PTPRN2: variants seen among roughly 807,000 people sequenced by gnomAD.
The protein encoded by PTPRN2 is receptor-type tyrosine-protein phosphatase N2.
In PTPRN2, 74 loss-of-function variants were observed where a neutral mutation model predicts 118.8. The ratio of observed to expected loss-of-function variants is 0.62; its 90% CI spans 0.52 to 0.76. PTPRN2 has a LOEUF of 0.76. Ranked by LOEUF, PTPRN2 falls within the 30% of genes least tolerant of loss-of-function variation. The probability of loss-of-function intolerance (pLI) is 0.00; values close to 1 mark genes in which losing one functional copy is unlikely to be tolerated. For synonymous variants in PTPRN2, 641 were observed against 608.0 expected (o/e 1.05, Z -0.80); for missense variants, 1,481 against 1,394.4 (o/e 1.06, Z -0.99).
chr7:157,769,037 G>A (rs1034406194), intron 12 of PTPRN2, among the ~76,000 whole-genome samples: 8 of 152,164 alleles, frequency 5.3e-5, no homozygotes, highest in East Asian at 1.9e-4. Flanking sequence ...AAATATGGCC[G>A]TAATGTTGGC....
At chr7:158,342,777 G>T (rs71547529) in intron 2 of PTPRN2, among the ~76,000 whole-genome samples, 40,941 of 152,026 alleles carry the variant, frequency 0.27, 5,917 homozygotes, top group African/African-American at 0.33. Context: ...AGGAAAGTCT[G>T]ACTGACACTT....
chr7:157,649,288 C>T (rs1482531910), intron 14 of PTPRN2, among the ~76,000 whole-genome samples: 25 of 79,584 alleles, frequency 3.1e-4, no homozygotes, highest in African/African-American at 1.0e-3. Flanking sequence ...TCGGACCCAT[C>T]CAGCGTGCAC....
At chr7:157,783,504 G>A (rs978049510) in intron 12 of PTPRN2, among the ~76,000 whole-genome samples, 11 of 148,916 alleles carry the variant, frequency 7.4e-5, no homozygotes, top group African/African-American at 2.5e-4. Flanking sequence ...ACATTACCTT[G>A]TGCTTATTTA....
chr7:158,091,920 TTGGG>T (rs1585409835), intron 10 of PTPRN2, among the ~76,000 whole-genome samples: 9 of 66,054 alleles, frequency 1.4e-4, no homozygotes, highest in African/African-American at 1.9e-4. Flanking sequence ...AGAGAGATGG[TTGGG>T]TGGGTGGGTG....
chr7:158,326,779 A>G (rs1563142254), intron 2 of PTPRN2, among the ~76,000 whole-genome samples: 2 of 56,268 alleles, frequency 3.6e-5, no homozygotes, highest in Middle Eastern at 0.019. Context: ...ATGCTCACAC[A>G]CTCACATGCA....
intron 12 of PTPRN2, among the ~76,000 whole-genome samples, chr7:157,796,768 G>A (rs1348449200): frequency 6.6e-6 from 1 of 152,136 alleles, no homozygotes; most frequent in Non-Finnish European, 1.5e-5. Flanking sequence ...GTGGGCGTAG[G>A]CGCAAGGTGG....
intron 11 of PTPRN2, among the ~76,000 whole-genome samples, chr7:158,009,623 C>T (rs1401225229): frequency 2.0e-5 from 3 of 152,102 alleles, no homozygotes; most frequent in African/African-American, 4.8e-5. Context: ...ATAAAAACCA[C>T]GACATCAAGC....
At chr7:158,145,089 C>A (rs543171548) in intron 6 of PTPRN2, among the ~76,000 whole-genome samples, 1 of 150,384 alleles carries the variant, frequency 6.6e-6, no homozygotes, top group Non-Finnish European at 1.5e-5. Context: ...TTCCAGAATA[C>A]CACGGCTCGG....
At chr7:158,263,291 CAT>C (rs1284383385) in intron 3 of PTPRN2, among the ~76,000 whole-genome samples, 3 of 152,224 alleles carry the variant, frequency 2.0e-5, no homozygotes, top group African/African-American at 4.8e-5. Context: ...CTCACAGTCA[CAT>C]GTGCACACCG....
Position 158,145,273 on chromosome 7 carries a change from C to T in PTPRN2, c.911-6758G>A, listed in dbSNP as rs147738743. On this transcript the variant is annotated intron_variant, in intron 6 of 22. Coordinates refer to ENST00000389418, the MANE Select transcript of PTPRN2 (RefSeq NM_002847.5). ...CTTGGCAAGACTTCCCTCACATCAT[C>T]GCGAGAAGGTTCCAGAATACCACAG... Among the ~76,000 whole-genome samples, 339 of 149,614 alleles carry T rather than the reference C, an allele frequency of 2.3e-3. 1 individual carries two copies. Among genetic ancestry groups the T allele is most frequent in the African/African-American group, 7.8e-3 (313 of 39,912 alleles).
At chr7:157,542,498 C>T (rs1286023137) in intron 22 of PTPRN2, among the ~76,000 whole-genome samples, 1 of 150,484 alleles carries the variant, frequency 6.6e-6, no homozygotes, top group Non-Finnish European at 1.5e-5. Context: ...GGAAAGCGCT[C>T]CACCCCCAGG....
chr7:157,615,470 C>T lies in PTPRN2; in HGVS notation c.2344+5892G>A. On this transcript the variant is annotated intron_variant, in intron 15 of 22. Coordinates refer to ENST00000389418, the MANE Select transcript of PTPRN2 (RefSeq NM_002847.5). This position sits in a 1 kb window ranked among gnomAD's most constrained non-coding sequence, Gnocchi z 4.3. ...TTTAGCCCCGAGCCTCACGTGGAAA[C>T]ATCTGATGAGCCTTTGCCAATATGC... 1 of 471,220 alleles carries T rather than the reference C, an allele frequency of 2.1e-6. No homozygotes were observed. The highest frequency in any genetic ancestry group is 1.5e-5 in the South Asian group (1 of 64,572). The allele number at this position is 471,220 out of a possible 1,614,324, so 29.2% of individuals were successfully genotyped here.
At chr7:158,527,921 G>C (rs993428558) in intron 1 of PTPRN2, among the ~76,000 whole-genome samples, 1 of 113,000 alleles carries the variant, frequency 8.8e-6, no homozygotes. Context: ...CTGTGTAGCA[G>C]GGACCACCTA....
rs77660089 is a variant in PTPRN2 at position 158,098,140 on chromosome 7, G to A, written c.1643+12689C>T. On this transcript the variant is annotated intron_variant, in intron 10 of 22. Transcript: ENST00000389418. ...AAGGCTTGCGTGGTCCCCTGCACAT[G>A]AGCACACACGCACGCAGGCACCAGA... Among the ~76,000 whole-genome samples the A allele has an allele frequency of 5.1e-3, 770 of 152,338 alleles. 23 individuals are homozygous for A. In the East Asian group the frequency reaches 0.096, roughly 19 times the overall value.
chr7:157,865,804 T>C (rs1810622319), intron 12 of PTPRN2: 1 of 152,168 alleles, frequency 6.6e-6, no homozygotes. Context: ...ATGTTACTTG[T>C]GCCAGCCTGG....
chr7:158,417,568 T>G (rs1814803881), intron 2 of PTPRN2, among the ~76,000 whole-genome samples: 1 of 148,510 alleles, frequency 6.7e-6, no homozygotes, highest in African/African-American at 2.5e-5. Flanking sequence ...TCCCACTCTA[T>G]TAAGTCATGA....
intron 2 of PTPRN2, among the ~76,000 whole-genome samples, chr7:158,478,318 C>T (rs754363062): frequency 3.3e-5 from 5 of 152,242 alleles, no homozygotes; most frequent in African/African-American, 7.2e-5. Flanking sequence ...TACAGACACT[C>T]GGAAAACTGC....
At chr7:158,229,336 C>G (rs1269716100) in intron 3 of PTPRN2, among the ~76,000 whole-genome samples, 1 of 152,058 alleles carries the variant, frequency 6.6e-6, no homozygotes, top group Non-Finnish European at 1.5e-5. Context: ...TGCAAGGACA[C>G]AGACACACAT....
chr7:157,894,312 G>T (rs183600289), intron 12 of PTPRN2, among the ~76,000 whole-genome samples: 46 of 152,276 alleles, frequency 3.0e-4, no homozygotes, highest in African/African-American at 1.0e-3. Flanking sequence ...TGGACGTTTG[G>T]CATCTTTCTG....
Sources: allele counts gnomAD v4.1 joint callset (sites outside exome capture counted in the v4.1 genomes callset), GRCh38; gene constraint gnomAD v4.1.1; non-coding constraint Gnocchi (gnomAD v3.1); transcripts MANE v1.5; gene names NCBI Gene and HGNC (gene_info 2026-07-23, HGNC 2026-07-21).